Variants in CHODL observed in about 807,000 individuals in gnomAD.
The protein encoded by CHODL is chondrolectin, also known as transmembrane protein MT75.
Under a neutral mutation model 34.5 loss-of-function variants are expected in CHODL, and 29 were observed. That is an observed-to-expected ratio of 0.84 (90% CI 0.63 to 1.15). The LOEUF is 1.15. Ranked by LOEUF, CHODL falls within the 50% of genes most tolerant of loss-of-function variation. The pLI is 0.00. For missense variants in CHODL, 332 were observed against 332.5 expected, an observed-to-expected ratio of 1.00 and a Z score of 0.01; for synonymous variants, 125 against 116.1, an observed-to-expected ratio of 1.08 and a Z score of -0.49.
intron 2 of CHODL, among the ~76,000 whole-genome samples, chr21:18,089,308 TATAG>T (rs1356037162): frequency 6.6e-6 from 1 of 152,130 alleles, no homozygotes; most frequent in Admixed American, 6.5e-5. Flanking sequence ...TTTTTGAATA[TATAG>T]ATATTATTTA....
intron 2 of CHODL, among the ~76,000 whole-genome samples, chr21:18,122,626 T>A (rs1014688964): frequency 6.6e-6 from 1 of 151,944 alleles, no homozygotes; most frequent in South Asian, 2.1e-4. Context: ...AGAAGTAACA[T>A]CACCAAAGAA....
At chr21:18,252,777 T>C (rs1410276378) in intron 1 of CHODL, among the ~76,000 whole-genome samples, 1 of 152,092 alleles carries the variant, frequency 6.6e-6, no homozygotes, top group Non-Finnish European at 1.5e-5. Flanking sequence ...ATGATCAAAC[T>C]TTAGAGTTAA....
At chr21:18,248,676 ATATGTATATAT>A (rs1473137587) in intron 1 of CHODL, among the ~76,000 whole-genome samples, 1 of 126,394 alleles carries the variant, frequency 7.9e-6, no homozygotes. Context: ...TATAATACAT[ATATGTATATAT>A]TATATACATA....
In CHODL at chr21:18,245,227, A is replaced by T. The variant is rs1441318879; in HGVS notation, c.4A>T (p.Ser2Cys). The T allele has an allele frequency of 2.0e-6, 3 of 1,519,526 alleles. No individual in the cohort carries two copies. In the Admixed American group the frequency reaches 6.0e-5, roughly 30 times the overall value. 94.1% of individuals were successfully genotyped at this position (1,519,526 alleles called of 1,614,324 possible). The change falls in exon 1 of 6, where the codon AGC becomes TGC. Residue 2 changes from serine (S) to cysteine (C), a missense_variant. Coordinates refer to ENST00000299295, the MANE Select transcript of CHODL (RefSeq NM_024944.3). M[S>C]RVVSLLLGAA... ...CTGCTGCTGCCACCGCGCCGCGATG[A>T]GCCGCGTGGTCTCGCTGCTGCTGGG... is the stretch of plus-strand genomic sequence containing the variant.
intron 1 of CHODL, among the ~76,000 whole-genome samples, chr21:17,941,153 A>G (rs2824568): frequency 0.24 from 36,627 of 151,926 alleles, 5,069 homozygotes; most frequent in South Asian, 0.4. Context: ...ATACTCATCT[A>G]CTTGGTAAAA....
chr21:18,079,076 C>G (rs1227094556), intron 2 of CHODL, among the ~76,000 whole-genome samples: 1 of 152,082 alleles, frequency 6.6e-6, no homozygotes, highest in Non-Finnish European at 1.5e-5. Context: ...TACCCATCAC[C>G]TAAATAGTGA....
At chr21:18,256,391 G>T in intron 1 of CHODL, 118 bp from the exon 2 acceptor site, 1 of 981,306 alleles carries the variant, frequency 1.0e-6, no homozygotes, top group South Asian at 1.8e-5. Context: ...AATTCAGTGG[G>T]AGAAGCATTT....
At chr21:17,935,504 A>G (rs1032520871) in intron 1 of CHODL, among the ~76,000 whole-genome samples, 1 of 152,218 alleles carries the variant, frequency 6.6e-6, no homozygotes, top group African/African-American at 2.4e-5. Context: ...GTGCGTTTAG[A>G]CAAATTGTAC....
At chr21:18,025,193 A>G (rs186179625) in intron 1 of CHODL, among the ~76,000 whole-genome samples, 1 of 152,340 alleles carries the variant, frequency 6.6e-6, no homozygotes, top group Admixed American at 6.5e-5. Context: ...AAAAGTAGAC[A>G]TTTATGTTTC....
intron 2 of CHODL, chr21:18,034,437 A>AT (rs2064285801): frequency 6.6e-6 from 1 of 152,000 alleles, no homozygotes; most frequent in African/African-American, 2.4e-5. Flanking sequence ...TCCACAGAAT[A>AT]TGGACTAAGA....
chr21:18,221,732 A>G (rs2073885515), intron 2 of CHODL, among the ~76,000 whole-genome samples: 4 of 152,194 alleles, frequency 2.6e-5, no homozygotes, highest in African/African-American at 9.6e-5. Context: ...GGTGTGCCAA[A>G]TGAGCTGGTC....
intron 4 of CHODL, among the ~76,000 whole-genome samples, chr21:18,260,847 CAAAAAA>C (rs796997087): frequency 9.1e-6 from 1 of 109,504 alleles, no homozygotes; most frequent in East Asian, 2.1e-4. Context: ...ACAACAACAA[CAAAAAA>C]ACACCACCAA....
chr21:18,137,016 T>C (rs2146604241), intron 2 of CHODL, among the ~76,000 whole-genome samples: 1 of 152,190 alleles, frequency 6.6e-6, no homozygotes, highest in East Asian at 1.9e-4. Context: ...GGTTTGGGCT[T>C]GCCATCCCTA....
chr21:17,946,341 C>T (rs916886282), intron 1 of CHODL, among the ~76,000 whole-genome samples: 1 of 152,048 alleles, frequency 6.6e-6, no homozygotes, highest in Admixed American at 6.5e-5. Context: ...ATGGCGTGAA[C>T]CCCCGGGGGC....
Position 18,256,673 on chromosome 21 carries a change from A to C in CHODL, c.244A>C (p.Ser82Arg). 6.2e-7 allele frequency: 1 copy of C among 1,613,942 alleles called. No homozygotes were observed. ...ENEAEQKLIESMLQNLTKPGT... is the reference protein window; with the variant it reads ...ENEAEQKLIERMLQNLTKPGT... Reference sequence around the variant, plus strand: ...TGAAGCAGAACAGAAGTTAATAGAGAGCATGTTGCAAAACCTGACAAAACC... The same window carrying C: ...TGAAGCAGAACAGAAGTTAATAGAGCGCATGTTGCAAAACCTGACAAAACC... The change falls in exon 2 of 6, where the codon AGC (serine) becomes CGC (arginine). Residue 82 changes from serine to arginine, a missense_variant. Physicochemically the swap from Ser to Arg is moderately radical, Grantham distance 110. Transcript: ENST00000299295.
At chr21:18,058,321 A>G (rs556639300) in intron 2 of CHODL, among the ~76,000 whole-genome samples, 1 of 152,252 alleles carries the variant, frequency 6.6e-6, no homozygotes, top group East Asian at 1.9e-4. Flanking sequence ...AAATAGAACT[A>G]CCCTATGATC....
chr21:18,101,714 ATTTT>A (rs71848643), intron 2 of CHODL, among the ~76,000 whole-genome samples: 3 of 144,854 alleles, frequency 2.1e-5, no homozygotes, highest in Non-Finnish European at 1.5e-5. Context: ...CATTTACAAC[ATTTT>A]TTTTTTTTTT....
intron 2 of CHODL, among the ~76,000 whole-genome samples, chr21:18,137,726 G>T (rs755977323): frequency 4.6e-5 from 7 of 152,104 alleles, no homozygotes; most frequent in Non-Finnish European, 7.4e-5. Context: ...AAATAACAAC[G>T]ATGGTATATA....
chr21:18,012,352 C>T (rs1216303463), intron 1 of CHODL, among the ~76,000 whole-genome samples: 1 of 152,102 alleles, frequency 6.6e-6, no homozygotes, highest in African/African-American at 2.4e-5. Flanking sequence ...TTCTTTTGTC[C>T]TTAGATTATT....
Sources: gnomAD v4.1 joint callset for allele counts (sites outside exome capture counted in the v4.1 genomes callset) on GRCh38, gnomAD v4.1.1 for gene constraint, MANE v1.5 for transcripts, NCBI Gene and HGNC (gene_info 2026-07-23, HGNC 2026-07-21) for gene names.